SIL1: variants seen among roughly 807,000 people sequenced by gnomAD.
The protein encoded by SIL1 is SIL1 nucleotide exchange factor.
Under a neutral mutation model 49.1 loss-of-function variants are expected in SIL1, and 40 were observed. That is an observed-to-expected ratio of 0.81 (90% CI 0.63 to 1.06). The LOEUF is 1.06. Among genes scored for constraint, SIL1 ranks in the 50% least tolerant of loss-of-function variants. SIL1 has a pLI of 0.00. For synonymous variants in SIL1, 253 were observed against 250.8 expected, an observed-to-expected ratio of 1.01 and a Z score of -0.08; for missense variants, 500 against 572.6, an observed-to-expected ratio of 0.87 and a Z score of 1.29.
At chr5:139,165,850 A>G (rs1358379041) in intron 1 of SIL1, among the ~76,000 whole-genome samples, 1 of 150,996 alleles carries the variant, frequency 6.6e-6, no homozygotes, top group Non-Finnish European at 1.5e-5. Flanking sequence ...TTTTTAGTAG[A>G]GATGGAGTTT....
At chr5:139,184,139 T>C (rs1477160210) in intron 1 of SIL1, among the ~76,000 whole-genome samples, 1 of 151,056 alleles carries the variant, frequency 6.6e-6, no homozygotes, top group African/African-American at 2.4e-5. Flanking sequence ...GAAAGGAGGG[T>C]TCAAACCAAA....
intron 3 of SIL1, among the ~76,000 whole-genome samples, chr5:139,104,456 A>G (rs151114147): frequency 6.6e-6 from 1 of 152,342 alleles, no homozygotes; most frequent in East Asian, 1.9e-4. Flanking sequence ...TGTCTTGTCC[A>G]GAGATGGGTA....
intron 3 of SIL1, among the ~76,000 whole-genome samples, chr5:139,083,663 G>C (rs1770144353): frequency 4.1e-5 from 1 of 24,130 alleles, no homozygotes; most frequent in African/African-American, 1.9e-4. Flanking sequence ...TTCTTTTGCT[G>C]TGCAGAAGCT....
intron 3 of SIL1, among the ~76,000 whole-genome samples, chr5:139,066,904 A>G (rs568990249): frequency 2.6e-5 from 4 of 152,284 alleles, no homozygotes; most frequent in African/African-American, 9.6e-5. Context: ...GGGTTTCGCC[A>G]TGTTGCCTCT....
At chr5:139,119,780 A>G (rs1750572223) in intron 3 of SIL1, among the ~76,000 whole-genome samples, 1 of 152,162 alleles carries the variant, frequency 6.6e-6, no homozygotes, top group Admixed American at 6.5e-5. Context: ...AAAGTGATAC[A>G]AGCAACACTA....
intron 7 of SIL1, among the ~76,000 whole-genome samples, chr5:138,987,299 G>T (rs1767668151): frequency 1.3e-5 from 2 of 151,472 alleles, no homozygotes; most frequent in African/African-American, 4.9e-5. Flanking sequence ...TTTTGGTACA[G>T]ATGGGGTTTC....
At chr5:138,980,942 C>T (rs943253702) in intron 7 of SIL1, among the ~76,000 whole-genome samples, 1 of 152,034 alleles carries the variant, frequency 6.6e-6, no homozygotes, top group Non-Finnish European at 1.5e-5. Flanking sequence ...TGGTGGCTCT[C>T]GCCTGTAATC....
At chr5:139,088,909 G>A (rs868523239) in intron 3 of SIL1, among the ~76,000 whole-genome samples, 4 of 152,260 alleles carry the variant, frequency 2.6e-5, no homozygotes, top group East Asian at 1.9e-4. Flanking sequence ...TCCTCTGCCC[G>A]ATCCTACTTC....
At chr5:139,004,298 G>A (rs1768060545) in intron 7 of SIL1, among the ~76,000 whole-genome samples, 1 of 152,110 alleles carries the variant, frequency 6.6e-6, no homozygotes, top group Non-Finnish European at 1.5e-5. Context: ...ACTGTACCTG[G>A]CCTCTGTTTT....
At chr5:138,974,492 G>T (rs1484862622) in intron 7 of SIL1, among the ~76,000 whole-genome samples, 1 of 152,216 alleles carries the variant, frequency 6.6e-6, no homozygotes, top group Non-Finnish European at 1.5e-5. Flanking sequence ...TTGAATAATT[G>T]AAAGAGGAGA....
intron 7 of SIL1, among the ~76,000 whole-genome samples, chr5:138,969,563 G>A (rs1274453828): frequency 6.6e-6 from 1 of 152,240 alleles, no homozygotes; most frequent in Non-Finnish European, 1.5e-5. Flanking sequence ...GCCACTCACA[G>A]TCAGCTCTGC....
At chr5:139,066,489 A>G (rs571171390) in intron 3 of SIL1, among the ~76,000 whole-genome samples, 1 of 150,144 alleles carries the variant, frequency 6.7e-6, no homozygotes, top group East Asian at 2.0e-4. Flanking sequence ...GGCTAGCTTG[A>G]GCAACAACTC....
chr5:138,962,198 G>C (rs1010807978), intron 7 of SIL1, among the ~76,000 whole-genome samples: 4 of 151,908 alleles, frequency 2.6e-5, no homozygotes, highest in Non-Finnish European at 5.9e-5. Context: ...AATTTCAATT[G>C]AGAAAGCCTC....
intron 3 of SIL1, among the ~76,000 whole-genome samples, chr5:139,108,906 GAAAA>G: frequency 6.9e-6 from 1 of 143,924 alleles, no homozygotes; most frequent in East Asian, 2.1e-4. Flanking sequence ...ACAAGGAAAA[GAAAA>G]AAAAAAAAGA....
intron 1 of SIL1, among the ~76,000 whole-genome samples, chr5:139,136,812 G>GA (rs1053176741): frequency 3.3e-5 from 5 of 151,340 alleles, no homozygotes; most frequent in South Asian, 2.1e-4. Context: ...TGAGAAAAGA[G>GA]AAAAAAAAAT....
At chr5:139,127,046 T>G (rs1490146349) in intron 2 of SIL1, among the ~76,000 whole-genome samples, 4 of 152,196 alleles carry the variant, frequency 2.6e-5, no homozygotes. Context: ...GGAACCGTAG[T>G]GTGCTGCAGC....
chr5:139,069,269 CAG>C (rs1331450066), intron 3 of SIL1, among the ~76,000 whole-genome samples: 1 of 151,962 alleles, frequency 6.6e-6, no homozygotes, highest in African/African-American at 2.4e-5. Flanking sequence ...GCCTGGGTAA[CAG>C]AGCGAGATTC....
At chr5:139,011,631 A>T (rs1188049856) in intron 7 of SIL1, among the ~76,000 whole-genome samples, 4 of 152,040 alleles carry the variant, frequency 2.6e-5, no homozygotes, top group Non-Finnish European at 5.9e-5. Flanking sequence ...ACTGCACCCC[A>T]TCTAGCTATA....
chr5:138,950,551 G>A (rs1005596824), intron 9 of SIL1, among the ~76,000 whole-genome samples: 16 of 152,232 alleles, frequency 1.1e-4, no homozygotes, highest in East Asian at 3.8e-4. Flanking sequence ...CGTGTGGCCC[G>A]AGAGAGGCAA....
Sources: allele counts gnomAD v4.1 joint callset (sites outside exome capture counted in the v4.1 genomes callset), GRCh38; gene constraint gnomAD v4.1.1; transcripts MANE v1.5; gene names NCBI Gene and HGNC (gene_info 2026-07-23, HGNC 2026-07-21).